Variants in LRRC4C observed in about 807,000 individuals in gnomAD.
LRRC4C encodes the protein leucine-rich repeat-containing protein 4C.
LRRC4C carries 5 observed loss-of-function variants against 33.6 expected under a neutral mutation model. The ratio of observed to expected loss-of-function variants is 0.15; its 90% CI spans 0.08 to 0.31. LRRC4C has a LOEUF of 0.31. Ranked by LOEUF, LRRC4C falls within the 10% of genes least tolerant of loss-of-function variation. The pLI, the probability that LRRC4C is intolerant of heterozygous loss-of-function variation, is 1.00. For synonymous variants in LRRC4C, 329 were observed against 302.0 expected, an observed-to-expected ratio of 1.09 and a Z score of -0.93; for missense variants, 560 against 796.7, an observed-to-expected ratio of 0.70 and a Z score of 3.58.
chr11:41,281,042 T>TTTTCTCTCTC (rs1555135078), intron 1 of LRRC4C, among the ~76,000 whole-genome samples: 1 of 76,194 alleles, frequency 1.3e-5, no homozygotes, highest in African/African-American at 5.4e-5. Context: ...AATACATATT[T>TTTTCTCTCTC]TCTCTCTCTC....
At chr11:40,440,599 A>T (rs1951349743) in intron 3 of LRRC4C, among the ~76,000 whole-genome samples, 1 of 152,104 alleles carries the variant, frequency 6.6e-6, no homozygotes, top group Non-Finnish European at 1.5e-5. Context: ...TTGATATCTA[A>T]TCCACTTGCT....
At chr11:41,190,644 G>A (rs1012228579) in intron 1 of LRRC4C, among the ~76,000 whole-genome samples, 10 of 151,984 alleles carry the variant, frequency 6.6e-5, no homozygotes, top group Non-Finnish European at 1.3e-4. Flanking sequence ...ACGTATGCTC[G>A]GCTGCGTACA....
intron 2 of LRRC4C, among the ~76,000 whole-genome samples, chr11:40,896,407 T>C (rs1955940965): frequency 6.6e-6 from 1 of 152,182 alleles, no homozygotes; most frequent in Non-Finnish European, 1.5e-5. Flanking sequence ...TCACATCTTC[T>C]CACTGATAAA....
intron 2 of LRRC4C, among the ~76,000 whole-genome samples, chr11:40,667,452 C>A (rs555265216): frequency 6.6e-6 from 1 of 152,168 alleles, no homozygotes; most frequent in Non-Finnish European, 1.5e-5. Context: ...ATAATCCACT[C>A]CTCTTGAATG....
At position 40,221,764 on chromosome 11, in the gene LRRC4C, T is replaced by A. The variant is rs189092671; in HGVS notation, c.-96+19755A>T. Among the ~76,000 whole-genome samples, 17 of 152,188 alleles carry A rather than the reference T, an allele frequency of 1.1e-4. No homozygotes were observed. In the East Asian group the frequency reaches 3.3e-3, roughly 30 times the overall value. On this transcript the variant is annotated intron_variant, in intron 5 of 6. Coordinates refer to ENST00000528697, the MANE Select transcript of LRRC4C (RefSeq NM_001258419.2). ...TAGAAAAGCACTGTGAAAATCCCTATCCTGTTTTGTTCCCATCTAATTACC... is the reference window on the plus strand; with the variant it reads ...TAGAAAAGCACTGTGAAAATCCCTAACCTGTTTTGTTCCCATCTAATTACC...
chr11:40,610,896 ATACTGT>A (rs1347253014), intron 3 of LRRC4C, among the ~76,000 whole-genome samples: 5 of 151,942 alleles, frequency 3.3e-5, no homozygotes, highest in African/African-American at 7.2e-5. Context: ...ATGGAAAGAC[ATACTGT>A]GTCAATGGAC....
At chr11:40,240,352 G>C (rs749068001) in intron 5 of LRRC4C, among the ~76,000 whole-genome samples, 1 of 152,064 alleles carries the variant, frequency 6.6e-6, no homozygotes, top group Admixed American at 6.6e-5. Context: ...ATAAATATCT[G>C]AGAACCTCCA....
chr11:40,120,348 T>C (rs1404431065), intron 6 of LRRC4C, among the ~76,000 whole-genome samples: 1 of 152,192 alleles, frequency 6.6e-6, no homozygotes, highest in Non-Finnish European at 1.5e-5. Flanking sequence ...GATAGAGTTA[T>C]CCTCCTTGTA....
chr11:40,278,414 T>G lies in LRRC4C; in HGVS notation c.-175-36816A>C, dbSNP rs142483037. Among the ~76,000 whole-genome samples the G allele has an allele frequency of 4.1e-4, 63 of 152,278 alleles. 1 individual carries two copies. In the East Asian group the frequency reaches 0.011, roughly 28 times the overall value. The stretch of plus-strand genomic sequence containing the variant: ...CGGGACAAGTGACCAGGAGTGTGGG[T>G]ATTCAAGGCGTTTTAAAGATCCTCT... On this transcript the variant is annotated intron_variant, in intron 4 of 6. Transcript: ENST00000528697.
chr11:41,190,235 G>C (rs1945881701), intron 1 of LRRC4C, among the ~76,000 whole-genome samples: 1 of 152,130 alleles, frequency 6.6e-6, no homozygotes, highest in Non-Finnish European at 1.5e-5. Flanking sequence ...CCTGAAGACA[G>C]ACGGAGGACA....
chr11:40,834,658 G>T (rs1952580815), intron 2 of LRRC4C, among the ~76,000 whole-genome samples: 2 of 151,928 alleles, frequency 1.3e-5, no homozygotes, highest in South Asian at 4.1e-4. Context: ...ATACACCATG[G>T]GTTCAAAGGA....
intron 2 of LRRC4C, among the ~76,000 whole-genome samples, chr11:40,705,988 G>T (rs1170851485): frequency 1.3e-5 from 2 of 152,056 alleles, no homozygotes; most frequent in Non-Finnish European, 2.9e-5. Flanking sequence ...GTGTCTGTTG[G>T]CTGCATAAAT....
At chr11:40,925,446 T>C (rs1433551198) in intron 2 of LRRC4C, among the ~76,000 whole-genome samples, 1 of 152,156 alleles carries the variant, frequency 6.6e-6, no homozygotes, top group Non-Finnish European at 1.5e-5. Context: ...AGCCTGAATC[T>C]TGGAGAAAGA....
chr11:40,739,803 C>T (rs965097724), intron 2 of LRRC4C, among the ~76,000 whole-genome samples: 1 of 151,972 alleles, frequency 6.6e-6, no homozygotes, highest in African/African-American at 2.4e-5. Flanking sequence ...GAGGTCTCCC[C>T]AGCCATGTGG....
chr11:41,439,624 C>T (rs1473265582), intron 1 of LRRC4C, among the ~76,000 whole-genome samples: 1 of 152,050 alleles, frequency 6.6e-6, no homozygotes, highest in African/African-American at 2.4e-5. Flanking sequence ...ATTACAATAA[C>T]TAATTTGCAT....
At chr11:41,275,617 C>T (rs1456403776) in intron 1 of LRRC4C, among the ~76,000 whole-genome samples, 1 of 152,124 alleles carries the variant, frequency 6.6e-6, no homozygotes, top group African/African-American at 2.4e-5. Context: ...TGGCCTTTGG[C>T]CCTACAGTTC....
intron 2 of LRRC4C, among the ~76,000 whole-genome samples, chr11:40,670,196 G>T (rs1565619655): frequency 6.6e-6 from 1 of 152,244 alleles, no homozygotes; most frequent in South Asian, 2.1e-4. Flanking sequence ...GGTGAAGTCT[G>T]GGGTATCCTA....
intron 3 of LRRC4C, among the ~76,000 whole-genome samples, chr11:40,486,749 T>C (rs1019597919): frequency 1.1e-4 from 16 of 152,068 alleles, no homozygotes; most frequent in Admixed American, 7.2e-4. Context: ...GGTGTGTATA[T>C]AGATATGCTA....
Position 40,295,643 on chromosome 11 carries a change from G to A in LRRC4C, c.-176+23985C>T, listed in dbSNP as rs1191599518. ...CTGTAATGTTCTTTGCATACTGAGA[G>A]CATGCTGTAACGTGCATCTCAGATG... On this transcript the variant is annotated intron_variant, in intron 4 of 6. Transcript: ENST00000528697. Among the ~76,000 whole-genome samples, 3 of 152,146 alleles carry A rather than the reference G, an allele frequency of 2.0e-5. No homozygotes were observed. In the East Asian group the frequency reaches 5.8e-4, roughly 29 times the overall value.
Sources: allele counts gnomAD v4.1 joint callset (sites outside exome capture counted in the v4.1 genomes callset), GRCh38; gene constraint gnomAD v4.1.1; transcripts MANE v1.5; gene names NCBI Gene and HGNC (gene_info 2026-07-23, HGNC 2026-07-21).